The following SLC30A9 variants were observed in gnomAD, a reference collection of about 807,000 sequenced individuals.
SLC30A9 encodes the protein proton-coupled zinc antiporter SLC30A9, mitochondrial.
Under a neutral mutation model 87.5 loss-of-function variants are expected in SLC30A9, and 58 were observed. The ratio of observed to expected loss-of-function variants is 0.66; its 90% CI spans 0.54 to 0.82. The LOEUF is 0.82. Ranked by LOEUF, SLC30A9 falls within the 40% of genes least tolerant of loss-of-function variation. The probability of loss-of-function intolerance (pLI) is 0.00; values close to 1 mark genes in which losing one functional copy is unlikely to be tolerated. For synonymous variants in SLC30A9, 234 were observed against 233.0 expected, an observed-to-expected ratio of 1.00 and a Z score of -0.04; for missense variants, 557 against 679.1, an observed-to-expected ratio of 0.82 and a Z score of 2.00.
chr4:42,048,450 T>C (rs1420297786), intron 8 of SLC30A9, among the ~76,000 whole-genome samples: 2 of 152,128 alleles, frequency 1.3e-5, no homozygotes, highest in African/African-American at 2.4e-5. Context: ...GGACATACAG[T>C]TCTCTCATTT....
At chr4:42,033,715 A>G (rs1461524407) in intron 6 of SLC30A9, among the ~76,000 whole-genome samples, 2 of 152,120 alleles carry the variant, frequency 1.3e-5, no homozygotes, top group Admixed American at 6.5e-5. Flanking sequence ...AGCTGGGACT[A>G]TAGGCACATG....
intron 13 of SLC30A9, among the ~76,000 whole-genome samples, chr4:42,066,863 A>G (rs183829431): frequency 1.3e-5 from 2 of 152,346 alleles, no homozygotes; most frequent in East Asian, 3.9e-4. Flanking sequence ...ATGGTTATAT[A>G]ACTTGAGAAA....
At chr4:42,009,312 T>G (rs927653826) in intron 2 of SLC30A9, among the ~76,000 whole-genome samples, 8 of 152,222 alleles carry the variant, frequency 5.3e-5, no homozygotes, top group African/African-American at 1.9e-4. Context: ...AAGTAATTGC[T>G]TGATTGAAAG....
At chr4:42,026,100 G>T (rs1470036665) in intron 6 of SLC30A9, among the ~76,000 whole-genome samples, 47 of 152,214 alleles carry the variant, frequency 3.1e-4, no homozygotes, top group Non-Finnish European at 1.6e-4. Flanking sequence ...GAGTAGCCAG[G>T]ACTACAGGTG....
At chr4:42,017,843 G>T (rs1332026457) in intron 2 of SLC30A9, among the ~76,000 whole-genome samples, 1 of 151,958 alleles carries the variant, frequency 6.6e-6, no homozygotes, top group Non-Finnish European at 1.5e-5. Flanking sequence ...TTTCTAAAAG[G>T]GTTTGAGATT....
At chr4:42,033,801 A>ACT (rs1716557651) in intron 6 of SLC30A9, among the ~76,000 whole-genome samples, 1 of 152,014 alleles carries the variant, frequency 6.6e-6, no homozygotes, top group Non-Finnish European at 1.5e-5. Context: ...GGTCTCGATG[A>ACT]TCTGACCTTG....
intron 10 of SLC30A9, among the ~76,000 whole-genome samples, chr4:42,061,715 T>G (rs992950908): frequency 6.6e-6 from 1 of 150,804 alleles, no homozygotes; most frequent in South Asian, 2.1e-4. Context: ...CTGACCAACA[T>G]GGAGAAACCC....
chr4:42,010,338 G>A (rs1003918873), intron 2 of SLC30A9, among the ~76,000 whole-genome samples: 1 of 152,092 alleles, frequency 6.6e-6, no homozygotes, highest in Non-Finnish European at 1.5e-5. Flanking sequence ...TTATCCAGGT[G>A]TGGTGGCATG....
At chr4:42,043,194 G>T (rs781774421) in intron 8 of SLC30A9, among the ~76,000 whole-genome samples, 1 of 152,094 alleles carries the variant, frequency 6.6e-6, no homozygotes, top group Non-Finnish European at 1.5e-5. Context: ...ACAACTCCTC[G>T]CCAGCAAGGG....
intron 15 of SLC30A9, among the ~76,000 whole-genome samples, chr4:42,071,388 A>G (rs555594426): frequency 1.3e-5 from 2 of 152,288 alleles, no homozygotes; most frequent in East Asian, 1.9e-4. Flanking sequence ...TTTAAGTTAA[A>G]TCTTTTTAAA....
In SLC30A9 at chr4:42,038,973, T is replaced by C; in HGVS notation, c.670-13T>C. 1.9e-6 allele frequency: 3 copies of C among 1,611,722 alleles called. No homozygotes were observed. Among genetic ancestry groups the C allele is most frequent in the African/African-American group, 1.3e-5 (1 of 75,024 alleles). ...TTTTGGAGGTATTAAAAAAAGTTTT[T>C]GTTTTTTTACAGCCACGCTCCAGAA... On this transcript the variant is annotated splice_polypyrimidine_tract_variant and intron_variant, in intron 7 of 17. Transcript: ENST00000264451.
At chr4:42,040,478 G>A (rs182971947) in intron 8 of SLC30A9, among the ~76,000 whole-genome samples, 53 of 152,266 alleles carry the variant, frequency 3.5e-4, no homozygotes, top group Non-Finnish European at 6.8e-4. Flanking sequence ...CCTGAGGAAT[G>A]TATGTATATA....
intron 9 of SLC30A9, among the ~76,000 whole-genome samples, 161 bp downstream of exon 9, chr4:42,049,640 T>G (rs1717309483): frequency 6.6e-6 from 1 of 152,206 alleles, no homozygotes; most frequent in African/African-American, 2.4e-5. Context: ...AATTTAATCA[T>G]AGTATTTTAA....
rs1719025911 is a variant in SLC30A9, at chr4:42,089,367, A to G, written c.*3241A>G. 1 of 152,178 alleles carries G rather than the reference A, an allele frequency of 6.6e-6. No individual in the cohort carries two copies. The highest frequency in any genetic ancestry group is 2.1e-4 in the South Asian group (1 of 4,826). The allele number at this position is 152,178 out of a possible 1,614,324, so 9.4% of individuals were successfully genotyped here. A position where few individuals can be genotyped will look rare whatever the true frequency, so the allele number is the denominator to read the frequency against. ...CTGTAAGTAGCAGTCCCCAAACTAT[A>G]TAAGGTGGCACAGTTTTCATCATGG... On this transcript the variant is annotated 3_prime_UTR_variant, in exon 18 of 18. Coordinates refer to ENST00000264451, the MANE Select transcript of SLC30A9 (RefSeq NM_006345.4).
intron 16 of SLC30A9, among the ~76,000 whole-genome samples, chr4:42,077,395 A>G: frequency 6.6e-6 from 1 of 152,116 alleles, no homozygotes; most frequent in Admixed American, 6.5e-5. Context: ...AAAGGTCTTT[A>G]TTTTATTGCA....
chr4:42,024,236 A>G (rs1480572312), intron 6 of SLC30A9, among the ~76,000 whole-genome samples: 1 of 152,168 alleles, frequency 6.6e-6, no homozygotes, highest in Non-Finnish European at 1.5e-5. Context: ...CTATAGTCCC[A>G]GCTACTTGCC....
At chr4:42,051,165 A>G (rs191334479) in intron 9 of SLC30A9, among the ~76,000 whole-genome samples, 18 of 152,296 alleles carry the variant, frequency 1.2e-4, no homozygotes, top group Admixed American at 1.1e-3. Flanking sequence ...TATCGAGGCC[A>G]ATGGAAGGCT....
At chr4:42,079,087 T>C (rs1718663672) in intron 17 of SLC30A9, among the ~76,000 whole-genome samples, 1 of 152,146 alleles carries the variant, frequency 6.6e-6, no homozygotes, top group Non-Finnish European at 1.5e-5. Context: ...TTATAGTTCA[T>C]GAGCTTTATC....
chr4:42,036,789 A>T (rs943366729), intron 7 of SLC30A9, among the ~76,000 whole-genome samples: 21 of 152,204 alleles, frequency 1.4e-4, no homozygotes, highest in African/African-American at 4.8e-4. Context: ...ACTGCCCTGA[A>T]GATGTGGACT....
Sources: allele counts gnomAD v4.1 joint callset (sites outside exome capture counted in the v4.1 genomes callset), GRCh38; gene constraint gnomAD v4.1.1; transcripts MANE v1.5; gene names NCBI Gene and HGNC (gene_info 2026-07-23, HGNC 2026-07-21).